Variants in CHCHD6 observed in about 807,000 individuals in gnomAD.
CHCHD6 encodes the protein MICOS complex subunit MIC25.
CHCHD6 carries 28 observed loss-of-function variants against 32.3 expected under a neutral mutation model. That is an observed-to-expected ratio of 0.87 (90% CI 0.64 to 1.19). The LOEUF (loss-of-function observed/expected upper bound fraction) is 1.19. Ranked by LOEUF, CHCHD6 falls within the 50% of genes most tolerant of loss-of-function variation. The probability of loss-of-function intolerance (pLI) is 0.00; values close to 1 mark genes in which losing one functional copy is unlikely to be tolerated. For missense variants in CHCHD6, 333 were observed against 307.0 expected (o/e 1.08, Z -0.63); for synonymous variants, 122 against 117.5 (o/e 1.04, Z -0.25).
chr3:126,752,371 G>A (rs4679290), intron 4 of CHCHD6, among the ~76,000 whole-genome samples: 2,105 of 152,300 alleles, frequency 0.014, 19 homozygotes, highest in Non-Finnish European at 0.022. Flanking sequence ...TCTGGGATCC[G>A]GTCTCTTCCT....
chr3:126,900,240 C>T (rs1398515336), intron 5 of CHCHD6, among the ~76,000 whole-genome samples: 2 of 152,174 alleles, frequency 1.3e-5, no homozygotes, highest in East Asian at 3.8e-4. Context: ...CTTCCTACCT[C>T]TATGTCCTGG....
At chr3:126,884,416 A>G (rs946616335) in intron 5 of CHCHD6, among the ~76,000 whole-genome samples, 2 of 152,142 alleles carry the variant, frequency 1.3e-5, no homozygotes, top group Non-Finnish European at 2.9e-5. Flanking sequence ...AATTTATACT[A>G]TATATATATT....
At chr3:126,738,491 A>G (rs951579349) in intron 4 of CHCHD6, among the ~76,000 whole-genome samples, 1 of 152,206 alleles carries the variant, frequency 6.6e-6, no homozygotes, top group Non-Finnish European at 1.5e-5. Flanking sequence ...CCTCTCCTAC[A>G]TTTTTATTGT....
chr3:126,931,309 C>G (rs2078401697), intron 6 of CHCHD6, among the ~76,000 whole-genome samples: 1 of 152,210 alleles, frequency 6.6e-6, no homozygotes, highest in Non-Finnish European at 1.5e-5. Context: ...AGTTGAGGTT[C>G]AGCACATGAA....
chr3:126,709,710 A>G (rs1005425950), intron 1 of CHCHD6, among the ~76,000 whole-genome samples: 2 of 152,160 alleles, frequency 1.3e-5, no homozygotes, highest in Admixed American at 1.3e-4. Flanking sequence ...ATTGTATCTC[A>G]TCGTGGTTTG....
chr3:126,900,658 G>A (rs1205188045), intron 5 of CHCHD6, among the ~76,000 whole-genome samples: 1 of 145,474 alleles, frequency 6.9e-6, no homozygotes, highest in Non-Finnish European at 1.5e-5. Context: ...AGGCTGGAGT[G>A]CAATGGCGCT....
chr3:126,932,317 G>A (rs563096528), intron 6 of CHCHD6, among the ~76,000 whole-genome samples: 72 of 152,254 alleles, frequency 4.7e-4, no homozygotes, highest in Non-Finnish European at 9.1e-4. Context: ...CACCCCAAGC[G>A]AGGCCCTTGG....
chr3:126,827,210 G>T (rs1178433114), intron 4 of CHCHD6, among the ~76,000 whole-genome samples: 2 of 152,198 alleles, frequency 1.3e-5, no homozygotes, highest in Admixed American at 1.3e-4. Context: ...TCTGGGCATT[G>T]TGCAACTATT....
chr3:126,826,283 A>C (rs892868505), intron 4 of CHCHD6, among the ~76,000 whole-genome samples: 2 of 152,178 alleles, frequency 1.3e-5, no homozygotes, highest in African/African-American at 4.8e-5. Flanking sequence ...AGACCAGTTT[A>C]TAAGTGGTGA....
chr3:126,765,717 A>C (rs1937342306), intron 4 of CHCHD6, among the ~76,000 whole-genome samples: 1 of 152,230 alleles, frequency 6.6e-6, no homozygotes, highest in Non-Finnish European at 1.5e-5. Context: ...CCCTGGCTCC[A>C]CAGGGAACCA....
chr3:126,908,041 C>A (rs1476224242), intron 5 of CHCHD6, among the ~76,000 whole-genome samples: 9 of 151,862 alleles, frequency 5.9e-5, no homozygotes, highest in Non-Finnish European at 7.3e-5. Context: ...GTAATTCTTA[C>A]CTTGAAATAC....
intron 4 of CHCHD6, among the ~76,000 whole-genome samples, chr3:126,816,824 TTTACA>T (rs1430174290): frequency 6.6e-6 from 1 of 152,122 alleles, no homozygotes; most frequent in Non-Finnish European, 1.5e-5. Flanking sequence ...TAACTCGTCA[TTTACA>T]TTAGGTATTT....
At chr3:126,775,651 T>G (rs540657560) in intron 4 of CHCHD6, among the ~76,000 whole-genome samples, 2 of 152,332 alleles carry the variant, frequency 1.3e-5, no homozygotes, top group South Asian at 4.1e-4. Context: ...AAAGGGAAGA[T>G]GTCACAGTTA....
At chr3:126,898,175 C>G (rs1322017761) in intron 5 of CHCHD6, among the ~76,000 whole-genome samples, 2 of 152,278 alleles carry the variant, frequency 1.3e-5, no homozygotes, top group Non-Finnish European at 2.9e-5. Context: ...CTCGCACCCC[C>G]TGGACTGTCC....
chr3:126,797,068 C>A (rs1000429639), intron 4 of CHCHD6, among the ~76,000 whole-genome samples: 1 of 152,080 alleles, frequency 6.6e-6, no homozygotes, highest in African/African-American at 2.4e-5. Context: ...GGCCTTCTTA[C>A]CCCTGGAGGT....
intron 6 of CHCHD6, among the ~76,000 whole-genome samples, chr3:126,940,412 G>A (rs1235677764): frequency 6.6e-6 from 1 of 152,066 alleles, no homozygotes; most frequent in Non-Finnish European, 1.5e-5. Context: ...TATTATTCTT[G>A]TATATGGTTA....
chr3:126,784,828 GT>G (rs1559841767), intron 4 of CHCHD6, among the ~76,000 whole-genome samples: 1 of 152,002 alleles, frequency 6.6e-6, no homozygotes, highest in African/African-American at 2.4e-5. Context: ...ATTTTGAGAG[GT>G]TTTTTTGGAC....
intron 4 of CHCHD6, among the ~76,000 whole-genome samples, chr3:126,736,697 C>T (rs902212890): frequency 1.3e-5 from 2 of 152,104 alleles, no homozygotes; most frequent in African/African-American, 2.4e-5. Flanking sequence ...CTGTTCTGTG[C>T]GTGTCAATGT....
intron 4 of CHCHD6, among the ~76,000 whole-genome samples, chr3:126,828,661 A>G (rs944680980): frequency 2.6e-5 from 4 of 152,120 alleles, no homozygotes; most frequent in Admixed American, 1.3e-4. Flanking sequence ...TGAAGGAGGA[A>G]CATCCTGTTT....
Sources: gnomAD v4.1 joint callset for allele counts (sites outside exome capture counted in the v4.1 genomes callset) on GRCh38, gnomAD v4.1.1 for gene constraint, MANE v1.5 for transcripts, NCBI Gene and HGNC (gene_info 2026-07-23, HGNC 2026-07-21) for gene names.